FMNL2: variants seen among roughly 807,000 people sequenced by gnomAD.
The protein encoded by FMNL2 is formin like 2.
A neutral mutation model predicts 130.2 loss-of-function variants in FMNL2; 51 were observed. The ratio of observed to expected loss-of-function variants is 0.39; its 90% CI spans 0.31 to 0.49. The LOEUF is 0.49. Among genes scored for constraint, FMNL2 ranks in the 20% least tolerant of loss-of-function variants. The pLI is 0.85. For synonymous variants in FMNL2, 465 were observed against 467.1 expected (o/e 1.00, Z 0.06); for missense variants, 977 against 1,316.2 (o/e 0.74, Z 3.99).
At chr2:152,625,096 A>T in intron 15 of FMNL2, 2 of 211,738 alleles carry the variant, frequency 9.4e-6, no homozygotes, top group Non-Finnish European at 1.9e-5. Flanking sequence ...ATGAGTAATA[A>T]TCTTTGCTCT....
chr2:152,441,491 A>T (rs1332276051), intron 1 of FMNL2, among the ~76,000 whole-genome samples: 2 of 152,008 alleles, frequency 1.3e-5, no homozygotes, highest in Non-Finnish European at 2.9e-5. Context: ...GGCTATAATC[A>T]TGCCACTGCA....
chr2:152,368,203 G>A (rs1377443254), intron 1 of FMNL2, among the ~76,000 whole-genome samples: 1 of 152,078 alleles, frequency 6.6e-6, no homozygotes, highest in Non-Finnish European at 1.5e-5. Flanking sequence ...AATGATTTAG[G>A]TGCCTCTAAG....
intron 13 of FMNL2, among the ~76,000 whole-genome samples, chr2:152,617,889 G>A (rs1056165982): frequency 3.3e-5 from 5 of 152,170 alleles, no homozygotes; most frequent in Admixed American, 6.5e-5. Context: ...GATGGTTATC[G>A]TGTCTGTGTG....
intron 1 of FMNL2, among the ~76,000 whole-genome samples, chr2:152,507,712 TGC>T (rs943044542): frequency 5.9e-5 from 9 of 152,214 alleles, no homozygotes; most frequent in South Asian, 2.1e-4. Context: ...GTGGACACTG[TGC>T]TACCGTCCAT....
intron 1 of FMNL2, among the ~76,000 whole-genome samples, chr2:152,383,021 G>A (rs995189920): frequency 6.6e-6 from 1 of 152,064 alleles, no homozygotes; most frequent in African/African-American, 2.4e-5. Flanking sequence ...TGCTGCAAAT[G>A]GAGAACACAT....
chr2:152,454,067 A>T lies in FMNL2; in HGVS notation c.118-67876A>T, dbSNP rs541694400. On this transcript the variant is annotated intron_variant, in intron 1 of 25. Transcript: ENST00000288670. ...GTGGGTGGATCACTTGAGGGTCAGGAGTTCGAGACCAGCCTGGCCAACATG... is the reference window on the plus strand; with the variant it reads ...GTGGGTGGATCACTTGAGGGTCAGGTGTTCGAGACCAGCCTGGCCAACATG... Among the ~76,000 whole-genome samples the T allele has an allele frequency of 1.8e-3, 277 of 152,238 alleles. 1 individual carries two copies. The highest frequency in any genetic ancestry group is 3.4e-3 in the Non-Finnish European group (234 of 68,004).
chr2:152,525,205 G>A (rs1394294977), intron 2 of FMNL2, among the ~76,000 whole-genome samples: 1 of 152,142 alleles, frequency 6.6e-6, no homozygotes, highest in Non-Finnish European at 1.5e-5. Flanking sequence ...AAAAATTATA[G>A]TAGGTAAGGG....
chr2:152,599,085 TG>T (rs1302001560), intron 9 of FMNL2, among the ~76,000 whole-genome samples: 1 of 152,214 alleles, frequency 6.6e-6, no homozygotes, highest in Non-Finnish European at 1.5e-5. Flanking sequence ...AAATTCTTTT[TG>T]TTCTGTTTGG....
At chr2:152,375,225 T>C (rs1463306776) in intron 1 of FMNL2, among the ~76,000 whole-genome samples, 5 of 152,224 alleles carry the variant, frequency 3.3e-5, no homozygotes, top group Non-Finnish European at 7.3e-5. Flanking sequence ...AGAAGCAGTA[T>C]CCTCTCTGGA....
rs567613218 is a variant in FMNL2, at chr2:152,538,975, A to G, written c.202-3764A>G. On this transcript the variant is annotated intron_variant, in intron 2 of 25. Transcript: ENST00000288670. ...TGAATTAATATATTTTTCCCTCTAAATATTAGAATTTTAGATATTGTATTA... is the reference window on the plus strand; with the variant it reads ...TGAATTAATATATTTTTCCCTCTAAGTATTAGAATTTTAGATATTGTATTA... Among the ~76,000 whole-genome samples, 13 of 152,240 alleles carry G rather than the reference A, an allele frequency of 8.5e-5. No individual in the cohort carries two copies. In the South Asian group the frequency reaches 1.4e-3, roughly 17 times the overall value.
At position 152,430,526 on chromosome 2, in the gene FMNL2, G is replaced by A. The variant is rs143276456; in HGVS notation, c.118-91417G>A. On this transcript the variant is annotated intron_variant, in intron 1 of 25. Coordinates refer to ENST00000288670, the MANE Select transcript of FMNL2 (RefSeq NM_052905.4). ...CGTGAACATTGTAATGCAAGTTAAT[G>A]TTTATATACCTACTTTCACTTCCAT... is the stretch of plus-strand genomic sequence containing the variant. Among the ~76,000 whole-genome samples, 12 of 152,304 alleles carry A rather than the reference G, an allele frequency of 7.9e-5. No homozygotes were observed. The East Asian group carries it at 2.3e-3, about 29-fold the overall frequency.
At chr2:152,455,295 C>T (rs917012499) in intron 1 of FMNL2, among the ~76,000 whole-genome samples, 2 of 151,890 alleles carry the variant, frequency 1.3e-5, no homozygotes, top group Non-Finnish European at 2.9e-5. Context: ...ATCAAGGCCT[C>T]GAGGAGAAAA....
At chr2:152,398,280 A>G (rs977943983) in intron 1 of FMNL2, among the ~76,000 whole-genome samples, 15 of 152,354 alleles carry the variant, frequency 9.8e-5, no homozygotes, top group African/African-American at 3.4e-4. Context: ...CTGTGTGAAA[A>G]GAGCACAGAT....
chr2:152,644,439 A>C (rs1253995048), intron 25 of FMNL2, among the ~76,000 whole-genome samples: 1 of 152,180 alleles, frequency 6.6e-6, no homozygotes, highest in Non-Finnish European at 1.5e-5. Flanking sequence ...TAACTCTCTT[A>C]TACGTCCATA....
chr2:152,541,302 A>T (rs1036653187), intron 2 of FMNL2, among the ~76,000 whole-genome samples: 1 of 152,144 alleles, frequency 6.6e-6, no homozygotes, highest in Non-Finnish European at 1.5e-5. Flanking sequence ...GACTACAGGC[A>T]TGTGCCACCA....
At chr2:152,421,878 T>C (rs1686942633) in intron 1 of FMNL2, among the ~76,000 whole-genome samples, 1 of 152,242 alleles carries the variant, frequency 6.6e-6, no homozygotes, top group African/African-American at 2.4e-5. Flanking sequence ...TATGAAGTAA[T>C]TGCTATTACT....
At chr2:152,383,896 G>A (rs1202265226) in intron 1 of FMNL2, among the ~76,000 whole-genome samples, 2 of 152,158 alleles carry the variant, frequency 1.3e-5, no homozygotes, top group African/African-American at 2.4e-5. Flanking sequence ...CTAGGAATTT[G>A]TAAAACTGTA....
At chr2:152,438,426 T>G (rs1165359008) in intron 1 of FMNL2, among the ~76,000 whole-genome samples, 2 of 152,142 alleles carry the variant, frequency 1.3e-5, no homozygotes, top group African/African-American at 4.8e-5. Flanking sequence ...ACAGATCAAG[T>G]CCCTGGAGGA....
At chr2:152,445,545 T>C (rs1688284835) in intron 1 of FMNL2, among the ~76,000 whole-genome samples, 1 of 152,122 alleles carries the variant, frequency 6.6e-6, no homozygotes, top group Non-Finnish European at 1.5e-5. Flanking sequence ...TACTTTAGAG[T>C]TTAATAGTCA....
Sources: gnomAD v4.1 joint callset for allele counts (sites outside exome capture counted in the v4.1 genomes callset) on GRCh38, gnomAD v4.1.1 for gene constraint, MANE v1.5 for transcripts, NCBI Gene and HGNC (gene_info 2026-07-23, HGNC 2026-07-21) for gene names.